TAF1L: variants seen among roughly 807,000 people sequenced by gnomAD.
The protein encoded by TAF1L is TATA-box binding protein associated factor 1 like, also known as transcription initiation factor TFIID subunit 1-like.
Under a neutral mutation model 128.8 loss-of-function variants are expected in TAF1L, and 30 were observed. That is an observed-to-expected ratio of 0.23 (90% CI 0.17 to 0.32). The LOEUF (loss-of-function observed/expected upper bound fraction) is 0.32, where lower values mean the gene tolerates loss of function less well. TAF1L is among the 10% of genes least tolerant of loss of function. The pLI is 1.00. For synonymous variants in TAF1L, 764 were observed against 790.7 expected, an observed-to-expected ratio of 0.97 and a Z score of 0.57; for missense variants, 2,099 against 2,253.7, an observed-to-expected ratio of 0.93 and a Z score of 1.39.
Position 32,633,721 on chromosome 9 carries a change from G to A in TAF1L, c.1859C>T (p.Pro620Leu). 1 of 1,614,150 alleles carries A rather than the reference G, an allele frequency of 6.2e-7. No homozygotes were observed. Among genetic ancestry groups the A allele is most frequent in the East Asian group, 2.2e-5 (1 of 44,888 alleles). The change falls in exon 1 of 1, where the codon CCC becomes CTC. Residue 620 changes from proline to leucine, a missense_variant. This residue lies in a region of TAF1L where 1,213 missense variants were observed against 1,391.4 expected (regional missense o/e 0.87). Transcript: ENST00000242310. ...HSIPAMELWQ[P>L]FFPTHMGPIK... is the part of the protein sequence containing the mutation. Reference sequence around the variant, plus strand: ...GGGCCCCATGTGGGTGGGAAAGAAGGGCTGCCATAATTCCATAGCAGGAAT... The same window carrying A: ...GGGCCCCATGTGGGTGGGAAAGAAGAGCTGCCATAATTCCATAGCAGGAAT...
Position 32,632,151 on chromosome 9 carries a change from C to G in TAF1L, c.3429G>C (p.Gln1143His). ...GCATTCGCCGTAGTTCCTTCCGCTC[C>G]TGCTCCTCCCATTCACGTGACAGCT... ...SSQLSREWEE[Q>H]ERKELRRMLL... The change falls in exon 1 of 1, where the codon CAG becomes CAC. Residue 1143 changes from glutamine (Q) to histidine (H), a missense_variant. Transcript: ENST00000242310. This position sits in a 1 kb window ranked among gnomAD's most constrained non-coding sequence, Gnocchi z 4.4. The G allele has an allele frequency of 6.2e-7, 1 of 1,614,226 alleles. No individual in the cohort carries two copies. Among genetic ancestry groups the G allele is most frequent in the South Asian group, 1.1e-5 (1 of 91,088 alleles).
Position 32,634,907 on chromosome 9 carries a change from C to G in TAF1L, c.673G>C (p.Gly225Arg). The change falls in exon 1 of 1, where the codon GGA becomes CGA. Residue 225 changes from glycine to arginine, a missense_variant. Transcript: ENST00000242310. ...CCAGCCAATGGAAGGGTCAGCTTTC[C>G]ATCCTCAGATTCTGCCTGTGTTGCT... ...QEATQAESED[G>R]KLTLPLAGIM... 6.2e-7 allele frequency: 1 copy of G among 1,614,198 alleles called. No homozygotes were observed. The highest frequency in any genetic ancestry group is 8.5e-7 in the Non-Finnish European group (1 of 1,180,046).
At position 32,633,773 on chromosome 9, in the gene TAF1L, AGGT is replaced by A. The variant is rs766626534; in HGVS notation, c.1804_1806del (p.Thr602del). On this transcript the variant is annotated inframe_deletion, in exon 1 of 1. Transcript: ENST00000242310. Reference sequence around the variant, plus strand: ...GAATGCTGGATAATATTCCCTCCAAAGGTGCCCCGAAGACCCTGTTGCTTGGGG... The same window carrying A: ...GAATGCTGGATAATATTCCCTCCAAAGCCCCGAAGACCCTGTTGCTTGGGG... 12 of 1,614,206 alleles carry A rather than the reference AGGT, an allele frequency of 7.4e-6. No individual in the cohort carries two copies. Among genetic ancestry groups the A allele is most frequent in the Non-Finnish European group, 1.0e-5 (12 of 1,180,042 alleles).
At position 32,632,609 on chromosome 9, in the gene TAF1L, G is replaced by C; in HGVS notation, c.2971C>G (p.Pro991Ala). The C allele has an allele frequency of 6.2e-7, 1 of 1,614,166 alleles. No homozygotes were observed. The highest frequency in any genetic ancestry group is 1.7e-5 in the Admixed American group (1 of 60,006). The change falls in exon 1 of 1, where the codon CCA (proline) becomes GCA (alanine). Residue 991 changes from proline (P) to alanine (A), a missense_variant. Transcript: ENST00000242310. The surrounding 1 kb of genome is among the most constrained non-coding windows in gnomAD (Gnocchi z 4.4). ...GFSYVKIPNKPTQQKDDKEPQ... is the reference protein window; with the variant it reads ...GFSYVKIPNKATQQKDDKEPQ... The stretch of plus-strand genomic sequence containing the variant: ...TCTTTATCATCCTTCTGCTGTGTTG[G>C]TTTATTTGGAATCTTCACATAGGAG...
Position 32,630,495 on chromosome 9 carries a change from A to C in TAF1L, c.5085T>G (p.Ile1695Met). The C allele has an allele frequency of 1.2e-6, 2 of 1,614,194 alleles. No individual in the cohort carries two copies. Among genetic ancestry groups the C allele is most frequent in the Non-Finnish European group, 1.7e-6 (2 of 1,180,030 alleles). Reference protein sequence around the residue: ...QDESNLSVLDISTATPEKQMC... With the variant: ...QDESNLSVLDMSTATPEKQMC... ...TCTGTTTTTCTGGAGTGGCAGTGGA[A>C]ATATCCAAGACAGACAAATTGCTCT... is the stretch of plus-strand genomic sequence containing the variant. The change falls in exon 1 of 1, where the codon ATT (isoleucine) becomes ATG (methionine). Residue 1695 changes from isoleucine (I) to methionine (M), a missense_variant. By Grantham distance (10) the Ile-to-Met change is conservative. Coordinates refer to ENST00000242310, the MANE Select transcript of TAF1L (RefSeq NM_153809.2).
chr9:32,630,041 A>G lies in TAF1L; in HGVS notation c.*58T>C. The G allele has an allele frequency of 6.2e-7, 1 of 1,604,194 alleles. No individual in the cohort carries two copies. The highest frequency in any genetic ancestry group is 1.1e-5 in the South Asian group (1 of 88,486). On this transcript the variant is annotated 3_prime_UTR_variant, in exon 1 of 1. Coordinates refer to ENST00000242310, the MANE Select transcript of TAF1L (RefSeq NM_153809.2). ...CACAGCTCCCATAACTGATGTTGCTATCCTCCAAATCATGGGAAGCCTCCC... is the reference window on the plus strand; with the variant it reads ...CACAGCTCCCATAACTGATGTTGCTGTCCTCCAAATCATGGGAAGCCTCCC...
At position 32,634,125 on chromosome 9, in the gene TAF1L, G is replaced by T. The variant is rs777651884; in HGVS notation, c.1455C>A (p.Ser485=). Residue 485 remains serine (S), a synonymous_variant, in exon 1 of 1, where the codon TCC becomes TCA. Coordinates refer to ENST00000242310, the MANE Select transcript of TAF1L (RefSeq NM_153809.2). The part of the protein sequence containing the change: ...PTLDDDKPWY[S]IFPIDNEDLV... ...GATCCTCATTGTCAATGGGAAAAAT[G>T]GAGTACCAAGGTTTGTCATCATCCA... is the stretch of plus-strand genomic sequence containing the variant. 1.2e-5 allele frequency: 20 copies of T among 1,614,036 alleles called. No homozygotes were observed. Among genetic ancestry groups the T allele is most frequent in the Non-Finnish European group, 8.5e-7 (1 of 1,180,044 alleles).
At position 32,634,885 on chromosome 9, in the gene TAF1L, G is replaced by T. The variant is rs1373553253; in HGVS notation, c.695C>A (p.Ala232Asp). The T allele has an allele frequency of 1.2e-6, 2 of 1,614,042 alleles. No individual in the cohort carries two copies. Among genetic ancestry groups the T allele is most frequent in the African/African-American group, 2.7e-5 (2 of 74,910 alleles). ...SEDGKLTLPL[A>D]GIMQHDATKL... ...GGTGGCATCATGCTGCATAATCCCA[G>T]CCAATGGAAGGGTCAGCTTTCCATC... The change falls in exon 1 of 1, where the codon GCT becomes GAT. Residue 232 changes from alanine (A) to aspartate (D), a missense_variant. Physicochemically the swap from Ala to Asp is moderately radical, Grantham distance 126 (BLOSUM62 -2). Coordinates refer to ENST00000242310, the MANE Select transcript of TAF1L (RefSeq NM_153809.2).
rs982425001 is a variant in TAF1L at position 32,633,477 on chromosome 9, T to C, written c.2103A>G (p.Glu701=). ...TGKDGDLILA[E]YSEENGPLMM... ...TTAAGGGTCCATTTTCCTCACTATA[T>C]TCTGCAAGAATAAGATCTCCATCTT... The change falls in exon 1 of 1, where the codon GAA becomes GAG. Residue 701 remains glutamate (E), a synonymous_variant. Coordinates refer to ENST00000242310, the MANE Select transcript of TAF1L (RefSeq NM_153809.2). The C allele has an allele frequency of 6.2e-7, 1 of 1,614,218 alleles. No homozygotes were observed. The highest frequency in any genetic ancestry group is 1.1e-5 in the South Asian group (1 of 91,088).
chr9:32,632,434 C>G lies in TAF1L; in HGVS notation c.3146G>C (p.Arg1049Pro), dbSNP rs764176652. 2 of 1,614,212 alleles carry G rather than the reference C, an allele frequency of 1.2e-6. No individual in the cohort carries two copies. Among genetic ancestry groups the G allele is most frequent in the Middle Eastern group, 3.3e-4 (2 of 6,062 alleles). Residue 1049 changes from arginine (R) to proline (P), a missense_variant, in exon 1 of 1, where the codon CGC becomes CCC. Arg to Pro is a moderately radical substitution (Grantham distance 103, BLOSUM62 -2). This residue lies in a region of TAF1L where 1,213 missense variants were observed against 1,391.4 expected (regional missense o/e 0.87). Coordinates refer to ENST00000242310, the MANE Select transcript of TAF1L (RefSeq NM_153809.2). The surrounding 1 kb of genome is among the most constrained non-coding windows in gnomAD (Gnocchi z 4.4). ...ATGAGCCTGTTCTGTTGACATTGTG[C>G]GCACCACATCAATCACTTCCCAGCG... is the stretch of plus-strand genomic sequence containing the variant. Reference protein sequence around the residue: ...LSRWEVIDVVRTMSTEQAHSG... With the variant: ...LSRWEVIDVVPTMSTEQAHSG...
rs569870969 is a variant in TAF1L at position 32,632,955 on chromosome 9, C to G, written c.2625G>C (p.Gly875=). 6 of 1,614,238 alleles carry G rather than the reference C, an allele frequency of 3.7e-6. No individual in the cohort carries two copies. The African/African-American group carries it at 6.7e-5, about 18-fold the overall frequency. Residue 875 remains glycine (G), a synonymous_variant, in exon 1 of 1, where the codon GGG becomes GGC. Coordinates refer to ENST00000242310, the MANE Select transcript of TAF1L (RefSeq NM_153809.2). The surrounding 1 kb of genome is among the most constrained non-coding windows in gnomAD (Gnocchi z 4.4). ...LKLCADFKRT[G]MDSNWWVLKS... ...TAAGCACCCACCAGTTTGAATCCAT[C>G]CCTGTGCGTTTGAAGTCAGCGCAGA...
Position 32,630,333 on chromosome 9 carries a change from T to A in TAF1L, c.5247A>T (p.Glu1749Asp). ...GGDGDLADEE[E>D]GTVQQPEASV... ...TGGCTTCAGGTTGTTGTACAGTTCC[T>A]TCCTCTTCATCTGCAAGATCACCAT... The change falls in exon 1 of 1, where the codon GAA (glutamate) becomes GAT (aspartate). Residue 1749 changes from glutamate (E) to aspartate (D), a missense_variant. By Grantham distance (45) the Glu-to-Asp change is conservative. Coordinates refer to ENST00000242310, the MANE Select transcript of TAF1L (RefSeq NM_153809.2). 1 of 1,614,210 alleles carries A rather than the reference T, an allele frequency of 6.2e-7. No individual in the cohort carries two copies. The highest frequency in any genetic ancestry group is 1.3e-5 in the African/African-American group (1 of 75,058).
chr9:32,630,207 C>A lies in TAF1L; in HGVS notation c.5373G>T (p.Leu1791=), dbSNP rs1822498147. ...CATCAGAGTCACTTCCACTTTCACTCAGCTGGATAGCAGAGAAAGGATTGT... is the reference window on the plus strand; with the variant it reads ...CATCAGAGTCACTTCCACTTTCACTAAGCTGGATAGCAGAGAAAGGATTGT... ...EGDNPFSAIQ[L]SESGSDSDVG... The change falls in exon 1 of 1, where the codon CTG becomes CTT. Residue 1791 remains leucine (L), a synonymous_variant. Transcript: ENST00000242310. The A allele has an allele frequency of 6.2e-7, 1 of 1,614,114 alleles. No homozygotes were observed. The highest frequency in any genetic ancestry group is 1.3e-5 in the African/African-American group (1 of 74,950).
rs759397834 is a variant in TAF1L, at chr9:32,635,504, C to T, written c.76G>A (p.Glu26Lys). ...GGGCCACCTCCAGATGAATCTTCCT[C>T]GCTGTCCGAGTCTGACATGATGGCG... ...TAAIMSDSDS[E>K]EDSSGGGPFT... The change falls in exon 1 of 1, where the codon GAG becomes AAG. Residue 26 changes from glutamate (E) to lysine (K), a missense_variant. Physicochemically the swap from Glu to Lys is moderately conservative, Grantham distance 56. Coordinates refer to ENST00000242310, the MANE Select transcript of TAF1L (RefSeq NM_153809.2). 12 of 1,614,030 alleles carry T rather than the reference C, an allele frequency of 7.4e-6. No homozygotes were observed. Among genetic ancestry groups the T allele is most frequent in the African/African-American group, 4.0e-5 (3 of 74,894 alleles).
chr9:32,633,323 G>A lies in TAF1L; in HGVS notation c.2257C>T (p.Leu753Phe). The change falls in exon 1 of 1, where the codon CTC (leucine) becomes TTC (phenylalanine). Residue 753 changes from leucine (L) to phenylalanine (F), a missense_variant. Around this residue, in one of 4 missense-constraint regions of TAF1L, gnomAD observed 1,213 missense variants for 1,391.4 expected, o/e 0.87. Coordinates refer to ENST00000242310, the MANE Select transcript of TAF1L (RefSeq NM_153809.2). ...YCHTSPFLGS[L>F]HPGQLLQALE... ...GCCTGCAGTAATTGGCCAGGATGGA[G>A]AGAGCCCAAGAAAGGAGATGTATGG... is the stretch of plus-strand genomic sequence containing the variant. 2 of 1,614,254 alleles carry A rather than the reference G, an allele frequency of 1.2e-6. No individual in the cohort carries two copies. The highest frequency in any genetic ancestry group is 1.7e-6 in the Non-Finnish European group (2 of 1,180,056).
Position 32,631,654 on chromosome 9 carries a change from G to C in TAF1L, c.3926C>G (p.Ser1309Trp), listed in dbSNP as rs759375951. ...PLYYQTNVPPSKPVAMTEEQE... is the reference protein window; with the variant it reads ...PLYYQTNVPPWKPVAMTEEQE... Reference sequence around the variant, plus strand: ...CTCTTCTGTCATGGCAACAGGTTTCGAAGGTGGCACATTTGTTTGATAATA... The same window carrying C: ...CTCTTCTGTCATGGCAACAGGTTTCCAAGGTGGCACATTTGTTTGATAATA... The change falls in exon 1 of 1, where the codon TCG becomes TGG. Residue 1309 changes from serine to tryptophan, a missense_variant. Transcript: ENST00000242310. This position sits in a 1 kb window ranked among gnomAD's most constrained non-coding sequence, Gnocchi z 4.1. The C allele has an allele frequency of 4.3e-6, 7 of 1,613,994 alleles. No individual in the cohort carries two copies. The Admixed American group carries it at 5.0e-5, about 12-fold the overall frequency.
rs1183593048 is a variant in TAF1L, at chr9:32,633,697, G to A, written c.1883C>T (p.Pro628Leu). The change falls in exon 1 of 1, where the codon CCC becomes CTC. Residue 628 changes from proline to leucine, a missense_variant. Physicochemically the swap from Pro to Leu is moderately conservative, Grantham distance 98. Around this residue, in one of 4 missense-constraint regions of TAF1L, gnomAD observed 1,213 missense variants for 1,391.4 expected, o/e 0.87. Transcript: ENST00000242310. Reference protein sequence around the residue: ...WQPFFPTHMGPIKIRQFHRPP... With the variant: ...WQPFFPTHMGLIKIRQFHRPP... ...GCGATGGAACTGCCGGATTTTGATGGGCCCCATGTGGGTGGGAAAGAAGGG... is the reference window on the plus strand; with the variant it reads ...GCGATGGAACTGCCGGATTTTGATGAGCCCCATGTGGGTGGGAAAGAAGGG... The A allele has an allele frequency of 1.9e-6, 3 of 1,614,186 alleles. No individual in the cohort carries two copies. The South Asian group carries it at 3.3e-5, about 18-fold the overall frequency.
rs1822520984 is a variant in TAF1L, at chr9:32,631,780, T to C, written c.3800A>G (p.Glu1267Gly). The stretch of plus-strand genomic sequence containing the variant: ...CTCTTTCATTTTCTTGGGCTTCTTC[T>C]CAGGAGGACCCTTAAGCTTCTCCTT... ...QEKEKLKGPP[E>G]KKPKKMKERP... The change falls in exon 1 of 1, where the codon GAG becomes GGG. Residue 1267 changes from glutamate (E) to glycine (G), a missense_variant. Around this residue, in one of 4 missense-constraint regions of TAF1L, gnomAD observed 1,213 missense variants for 1,391.4 expected, o/e 0.87. Coordinates refer to ENST00000242310, the MANE Select transcript of TAF1L (RefSeq NM_153809.2). The surrounding 1 kb of genome is among the most constrained non-coding windows in gnomAD (Gnocchi z 4.1). 2 of 1,614,060 alleles carry C rather than the reference T, an allele frequency of 1.2e-6. No homozygotes were observed. Among genetic ancestry groups the C allele is most frequent in the African/African-American group, 2.7e-5 (2 of 74,916 alleles).
In TAF1L at chr9:32,631,035, G is replaced by A. The variant is rs776374208; in HGVS notation, c.4545C>T (p.Asn1515=). 3.1e-6 allele frequency: 5 copies of A among 1,614,172 alleles called. No homozygotes were observed. Among genetic ancestry groups the A allele is most frequent in the Non-Finnish European group, 3.4e-6 (4 of 1,180,044 alleles). ...DKLARLEKAI[N]PLLDDDDQVA... is the part of the protein sequence containing the mutation. ...CTTGGTCATCATCATCCAGCAAGGGGTTGATAGCTTTCTCTAAGCGAGCTA... is the reference window on the plus strand; with the variant it reads ...CTTGGTCATCATCATCCAGCAAGGGATTGATAGCTTTCTCTAAGCGAGCTA... The change falls in exon 1 of 1, where the codon AAC becomes AAT. Residue 1515 remains asparagine, a synonymous_variant. Transcript: ENST00000242310. The surrounding 1 kb of genome is among the most constrained non-coding windows in gnomAD (Gnocchi z 4.1).
Sources: gnomAD v4.1 joint callset for allele counts on GRCh38, gnomAD v4.1.1 for gene constraint, gnomAD v4.1.1 regional missense constraint, Gnocchi (gnomAD v3.1) non-coding constraint, MANE v1.5 for transcripts, NCBI Gene and HGNC (gene_info 2026-07-23, HGNC 2026-07-21) for gene names.